The following ASIC5 variants were observed in gnomAD, a reference collection of about 807,000 sequenced individuals.
ASIC5 encodes bile acid-sensitive ion channel.
In ASIC5, 52 loss-of-function variants were observed where a neutral mutation model predicts 51.2. The observed-to-expected ratio is 1.02, with a 90% confidence interval of 0.81 to 1.28. ASIC5 has a LOEUF of 1.28. ASIC5 is among the 50% of genes most tolerant of loss of function. The probability of loss-of-function intolerance (pLI) is 0.00; values close to 1 mark genes in which losing one functional copy is unlikely to be tolerated. For synonymous variants in ASIC5, 231 were observed against 200.7 expected, an observed-to-expected ratio of 1.15 and a Z score of -1.28; for missense variants, 635 against 595.0, an observed-to-expected ratio of 1.07 and a Z score of -0.70.
At chr4:155,843,252 G>T (rs1741161457) in intron 5 of ASIC5, among the ~76,000 whole-genome samples, 1 of 152,068 alleles carries the variant, frequency 6.6e-6, no homozygotes, top group Non-Finnish European at 1.5e-5. Flanking sequence ...TATTTGTGCA[G>T]AGAGGAGATG....
rs1741136606 is a variant in ASIC5, at chr4:155,842,294, T to C, written c.922A>G (p.Ser308Gly). The C allele has an allele frequency of 1.2e-6, 2 of 1,613,286 alleles. No individual in the cohort carries two copies. Among genetic ancestry groups the C allele is most frequent in the African/African-American group, 2.7e-5 (2 of 74,898 alleles). ...CNPNIKLQNF[S>G]SYSTSGCLKE... ...AAGCAACCAGAAGTGCTGTAGCTGC[T>C]AAAATTCTGCAGCTTGATGTTAGGA... Residue 308 changes from serine (S) to glycine (G), a missense_variant, in exon 6 of 10, where the codon AGC (serine) becomes GGC (glycine). Physicochemically the swap from Ser to Gly is moderately conservative, Grantham distance 56. Transcript: ENST00000537611.
At position 155,854,259 on chromosome 4, in the gene ASIC5, C is replaced by T. The variant is rs772131133; in HGVS notation, c.403G>A (p.Val135Ile). The T allele has an allele frequency of 6.2e-7, 1 of 1,613,172 alleles. No homozygotes were observed. Among genetic ancestry groups the T allele is most frequent in the Non-Finnish European group, 8.5e-7 (1 of 1,179,544 alleles). Reference protein sequence around the residue: ...FGVIFFLWHIVSKVLHLQEIT... With the variant: ...FGVIFFLWHIISKVLHLQEIT... ...TCTTGAAGATGGAGGACTTTGGATA[C>T]AATGTGCCATAAGAAAAAAATAACA... The change falls in exon 3 of 10, where the codon GTA (valine) becomes ATA (isoleucine). Residue 135 changes from valine (V) to isoleucine (I), a missense_variant. Transcript: ENST00000537611.
In ASIC5 at chr4:155,830,016, C is replaced by A. The variant is rs1740840030; in HGVS notation, c.1358G>T (p.Cys453Phe). 2 of 1,571,044 alleles carry A rather than the reference C, an allele frequency of 1.3e-6. No homozygotes were observed. The highest frequency in any genetic ancestry group is 1.2e-5 in the South Asian group (1 of 83,386). Residue 453 changes from cysteine (C) to phenylalanine (F), a missense_variant, in exon 10 of 10, where the codon TGT becomes TTT. Coordinates refer to ENST00000537611, the MANE Select transcript of ASIC5 (RefSeq NM_017419.3). The stretch of plus-strand genomic sequence containing the variant: ...TATGATCGTGATCAGACTGGCCCCA[C>A]AAAATAGACCCAGCTGACCACCAAG... ...ADLGGQLGLFCGASLITIIEI... is the reference protein window; with the variant it reads ...ADLGGQLGLFFGASLITIIEI...
At chr4:155,839,497 A>C (rs910229292) in intron 6 of ASIC5, among the ~76,000 whole-genome samples, 2 of 152,148 alleles carry the variant, frequency 1.3e-5, no homozygotes, top group African/African-American at 4.8e-5. Flanking sequence ...ACTATGTATC[A>C]GAGCTGGGTT....
intron 1 of ASIC5, among the ~76,000 whole-genome samples, chr4:155,864,310 A>C (rs1741802842): frequency 6.6e-6 from 1 of 152,150 alleles, no homozygotes; most frequent in Admixed American, 6.6e-5. Context: ...TTCAGTGTTC[A>C]GTTGTAGTAT....
chr4:155,829,895 C>G lies in ASIC5; in HGVS notation c.1479G>C (p.Gln493His). 1.9e-6 allele frequency: 3 copies of G among 1,597,130 alleles called. No homozygotes were observed. The highest frequency in any genetic ancestry group is 2.6e-6 in the Non-Finnish European group (3 of 1,173,630). Residue 493 changes from glutamine to histidine, a missense_variant, in exon 10 of 10, where the codon CAG becomes CAC. By Grantham distance (24) the Gln-to-His change is conservative. Transcript: ENST00000537611. Reference protein sequence around the residue: ...SEMTQWTPPPQNHLGNKNRIE... With the variant: ...SEMTQWTPPPHNHLGNKNRIE... ...TCCTATTTTTATTTCCCAGATGATT[C>G]TGAGGTGGAGGAGTCCACTGGGTCA...
At chr4:155,845,500 G>A (rs888979305) in intron 4 of ASIC5, among the ~76,000 whole-genome samples, 1 of 151,596 alleles carries the variant, frequency 6.6e-6, no homozygotes. Flanking sequence ...GGTTTTTAAG[G>A]AAGAGTGTAG....
chr4:155,849,795 A>G (rs1408123904), intron 4 of ASIC5, among the ~76,000 whole-genome samples: 2 of 152,082 alleles, frequency 1.3e-5, no homozygotes, highest in African/African-American at 4.8e-5. Context: ...AACTGAAGCC[A>G]GTCAACTTAA....
In ASIC5 at chr4:155,846,613, G is replaced by A. The variant is rs568424421; in HGVS notation, c.712-2783C>T. The stretch of plus-strand genomic sequence containing the variant: ...GAAGCAAGATGGAGTCAATTAGGTC[G>A]TATCTTTTTCACTGCCTCAGTTTTA... On this transcript the variant is annotated intron_variant, in intron 4 of 9. Transcript: ENST00000537611. Among the ~76,000 whole-genome samples the A allele has an allele frequency of 5.3e-5, 8 of 152,130 alleles. No individual in the cohort carries two copies. The East Asian group carries it at 5.8e-4, about 11-fold the overall frequency.
intron 2 of ASIC5, among the ~76,000 whole-genome samples, chr4:155,856,595 A>G (rs1488510740): frequency 6.6e-6 from 1 of 152,106 alleles, no homozygotes; most frequent in African/African-American, 2.4e-5. Context: ...TATTCTGTCT[A>G]ACTACAGTAC....
At chr4:155,847,724 T>TAAAAAAAAA (rs572154753) in intron 4 of ASIC5, among the ~76,000 whole-genome samples, 7 of 150,992 alleles carry the variant, frequency 4.6e-5, no homozygotes, top group African/African-American at 1.7e-4. Context: ...TCTGTCTCAG[T>TAAAAAAAAA]AAAAAAAATA....
In ASIC5 at chr4:155,843,770, G is replaced by A. The variant is rs1560744558; in HGVS notation, c.772C>T (p.His258Tyr). ...AACTGTGGCACCTTCTTTGGTGAAT[G>A]GATAACAAAGATGATCCCAGCATCA... ...FVDAGIIFVIHSPKKVPQFDG... is the reference protein window; with the variant it reads ...FVDAGIIFVIYSPKKVPQFDG... The change falls in exon 5 of 10, where the codon CAT becomes TAT. Residue 258 changes from histidine (H) to tyrosine (Y), a missense_variant. By Grantham distance (83) the His-to-Tyr change is moderately conservative (BLOSUM62 2). Coordinates refer to ENST00000537611, the MANE Select transcript of ASIC5 (RefSeq NM_017419.3). 1 of 1,613,596 alleles carries A rather than the reference G, an allele frequency of 6.2e-7. No homozygotes were observed. The highest frequency in any genetic ancestry group is 8.5e-7 in the Non-Finnish European group (1 of 1,179,670).
chr4:155,863,766 G>T lies in ASIC5; in HGVS notation c.41-12C>A. Reference sequence around the variant, plus strand: ...CTTTTCTAAGAGTCCTTAAGGTTTTGCCCATAAAATGATTAAACAAAAAAA... The same window carrying T: ...CTTTTCTAAGAGTCCTTAAGGTTTTTCCCATAAAATGATTAAACAAAAAAA... On this transcript the variant is annotated splice_polypyrimidine_tract_variant and intron_variant, in intron 1 of 9. Transcript: ENST00000537611. 3 of 1,585,522 alleles carry T rather than the reference G, an allele frequency of 1.9e-6. No individual in the cohort carries two copies. Among genetic ancestry groups the T allele is most frequent in the Middle Eastern group, 1.7e-4 (1 of 5,892 alleles).
At position 155,829,785 on chromosome 4, in the gene ASIC5, C is replaced by T. The variant is rs1303831031; in HGVS notation, c.*71G>A. The T allele has an allele frequency of 2.9e-5, 27 of 942,958 alleles. No homozygotes were observed. The East Asian group carries it at 5.0e-4, about 18-fold the overall frequency. The allele number at this position is 942,958 out of a possible 1,614,324, so 58.4% of individuals were successfully genotyped here. ...AACTCTCAAAACTATAGAAAAGTGACGTAACAATGAATTAGTCAAGATAAA... is the reference window on the plus strand; with the variant it reads ...AACTCTCAAAACTATAGAAAAGTGATGTAACAATGAATTAGTCAAGATAAA... On this transcript the variant is annotated 3_prime_UTR_variant, in exon 10 of 10. Transcript: ENST00000537611.
chr4:155,855,955 C>T (rs1741527419), intron 2 of ASIC5, among the ~76,000 whole-genome samples: 2 of 151,876 alleles, frequency 1.3e-5, no homozygotes, highest in South Asian at 4.1e-4. Flanking sequence ...GATTCTGACA[C>T]CTTTAAAAGT....
chr4:155,849,876 G>A (rs972778256), intron 4 of ASIC5, among the ~76,000 whole-genome samples: 5 of 151,930 alleles, frequency 3.3e-5, no homozygotes, highest in South Asian at 2.1e-4. Context: ...ACTGATGTAC[G>A]GACTTCAAAG....
intron 7 of ASIC5, 60 bp from the exon 8 acceptor site, chr4:155,836,917 T>C (rs1443671054): frequency 8.5e-6 from 11 of 1,287,344 alleles, no homozygotes; most frequent in Non-Finnish European, 1.1e-5. Flanking sequence ...ATGGGTAGGA[T>C]AGTTTTATAA....
At position 155,838,786 on chromosome 4, in the gene ASIC5, G is replaced by T. The variant is rs184634161; in HGVS notation, c.1066+27C>A. 8.5e-4 allele frequency: 1,241 copies of T among 1,456,484 alleles called. 9 individuals carry two copies. In the African/African-American group the frequency reaches 0.016, roughly 18 times the overall value. The allele number at this position is 1,456,484 out of a possible 1,614,324, so 90.2% of individuals were successfully genotyped here. A position where few individuals can be genotyped will look rare whatever the true frequency, so the allele number is the denominator to read the frequency against. ...TTTGAGCAACTTTAATATAAATCCT[G>T]AAAATAAAAGTAAATTAAGCACTTA... is the stretch of plus-strand genomic sequence containing the variant. On this transcript the variant is annotated intron_variant, in intron 7 of 9. Transcript: ENST00000537611.
At chr4:155,846,710 TTAAAA>T (rs145755645) in intron 4 of ASIC5, among the ~76,000 whole-genome samples, 2,543 of 152,178 alleles carry the variant, frequency 0.017, 66 homozygotes, top group African/African-American at 0.057. Context: ...AGGTGAACAA[TTAAAA>T]TAAAATAGTT....
Sources: allele counts gnomAD v4.1 joint callset (sites outside exome capture counted in the v4.1 genomes callset), GRCh38; gene constraint gnomAD v4.1.1; transcripts MANE v1.5; gene names NCBI Gene and HGNC (gene_info 2026-07-23, HGNC 2026-07-21).